The following RNF38 variants were observed in gnomAD, a reference collection of about 807,000 sequenced individuals.
RNF38 encodes the protein ring finger protein 38.
In RNF38, 15 loss-of-function variants were observed where a neutral mutation model predicts 67.2. That is an observed-to-expected ratio of 0.22 (90% CI 0.15 to 0.34). RNF38 has a LOEUF of 0.34. Ranked by LOEUF, RNF38 falls within the 10% of genes least tolerant of loss-of-function variation. The probability of loss-of-function intolerance (pLI) is 1.00; values close to 1 mark genes in which losing one functional copy is unlikely to be tolerated. For missense variants in RNF38, 524 were observed against 639.9 expected (o/e 0.82, Z 1.95); for synonymous variants, 220 against 218.8 (o/e 1.01, Z -0.05).
intron 2 of RNF38, among the ~76,000 whole-genome samples, chr9:36,414,573 C>T (rs1838411576): frequency 6.6e-6 from 1 of 151,584 alleles, no homozygotes; most frequent in South Asian, 2.1e-4. Flanking sequence ...GTAATCCCAG[C>T]TACTCGGGAG....
chr9:36,410,493 A>G (rs1260661202), intron 2 of RNF38, among the ~76,000 whole-genome samples: 2 of 152,090 alleles, frequency 1.3e-5, no homozygotes, highest in South Asian at 4.2e-4. Context: ...TGCCTGGCTA[A>G]TTTTTGTACT....
At chr9:36,405,109 T>C (rs1377631170), upstream of RNF38, among the ~76,000 whole-genome samples, 1 of 151,970 alleles carries the variant, frequency 6.6e-6, no homozygotes, top group Non-Finnish European at 1.5e-5. Context: ...TACTAAAAAC[T>C]ACAAAAAATT....
chr9:36,342,538 A>G, intron 10 of RNF38, 114 bp from the exon 11 acceptor site: 1 of 701,904 alleles, frequency 1.4e-6, no homozygotes, highest in Non-Finnish European at 2.5e-6. Flanking sequence ...TTAAATTTTT[A>G]AACAAAATTA....
chr9:36,366,998 A>C (rs1835018347), intron 4 of RNF38, among the ~76,000 whole-genome samples: 2 of 152,120 alleles, frequency 1.3e-5, no homozygotes, highest in Admixed American at 6.6e-5. Context: ...TGGGCTGCAA[A>C]TTTACTTCTG....
At chr9:36,364,763 A>G (rs1834817516) in intron 4 of RNF38, among the ~76,000 whole-genome samples, 1 of 152,230 alleles carries the variant, frequency 6.6e-6, no homozygotes, top group Non-Finnish European at 1.5e-5. Flanking sequence ...AGGGCATGGT[A>G]AACTAGATTG....
At chr9:36,374,932 G>A (rs1470661036) in intron 3 of RNF38, among the ~76,000 whole-genome samples, 2 of 152,166 alleles carry the variant, frequency 1.3e-5, no homozygotes, top group East Asian at 3.9e-4. Flanking sequence ...TAATTGGGGA[G>A]GAGGGGTTAC....
intron 1 of RNF38, among the ~76,000 whole-genome samples, chr9:36,464,371 A>G (rs1014683264): frequency 6.6e-6 from 1 of 152,040 alleles, no homozygotes; most frequent in Non-Finnish European, 1.5e-5. Flanking sequence ...GTTCGAGACC[A>G]GCCTGGCCAA....
chr9:36,453,674 C>T (rs145723507), intron 1 of RNF38, among the ~76,000 whole-genome samples: 5,909 of 152,034 alleles, frequency 0.039, 356 homozygotes, highest in African/African-American at 0.13. Flanking sequence ...TGAGCCACTG[C>T]GCCCGCCACT....
intron 1 of RNF38, among the ~76,000 whole-genome samples, chr9:36,459,206 C>CA (rs796647730): frequency 0.021 from 1,842 of 86,898 alleles, 32 homozygotes; most frequent in African/African-American, 0.065. Context: ...GACTCTGTCT[C>CA]AAAAAAAAAA....
chr9:36,400,902 C>A (rs1160835053), upstream of RNF38: 1 of 932,690 alleles, frequency 1.1e-6, no homozygotes, highest in South Asian at 4.6e-5. Flanking sequence ...ACGCCCCTCC[C>A]CGCCCCGCCG....
chr9:36,387,390 T>C (rs1033710030), intron 2 of RNF38, among the ~76,000 whole-genome samples: 1 of 152,186 alleles, frequency 6.6e-6, no homozygotes, highest in African/African-American at 2.4e-5. Flanking sequence ...AAATTAATGG[T>C]TGTGCCAGAT....
chr9:36,472,871 C>G (rs989817003), intron 1 of RNF38, among the ~76,000 whole-genome samples: 3 of 151,542 alleles, frequency 2.0e-5, no homozygotes, highest in Non-Finnish European at 4.4e-5. Flanking sequence ...TCTGAGAGAC[C>G]GAGGTGGGTG....
chr9:36,341,735 G>C (rs979675987), intron 11 of RNF38, among the ~76,000 whole-genome samples: 7 of 151,686 alleles, frequency 4.6e-5, no homozygotes, highest in Non-Finnish European at 1.0e-4. Context: ...AGGCTACATT[G>C]AGCCATGACT....
exon 1 of RNF38, chr9:36,487,374 G>C (rs1468309450): frequency 1.0e-6 from 1 of 983,794 alleles, no homozygotes; most frequent in East Asian, 1.1e-4. Context: ...CCGTGGCCCG[G>C]AGGGCTGAGG....
At chr9:36,485,009 A>T (rs1405947504) in intron 1 of RNF38, among the ~76,000 whole-genome samples, 1 of 152,086 alleles carries the variant, frequency 6.6e-6, no homozygotes, top group African/African-American at 2.4e-5. Context: ...TACTAAAAAT[A>T]CAAAAAAAAA....
rs76601753 is a variant in RNF38 at position 36,481,800 on chromosome 9, C to G, written n.241+5508G>C. On this transcript the variant is annotated intron_variant and non_coding_transcript_variant, in intron 1 of 3. Coordinates refer to the RNF38 transcript ENST00000488058. ...TCTTGTCCTTGGTTTGTACTCCCCCCTCCTCTCTCTCCAAGAAAAAATGAA... is the reference window on the plus strand; with the variant it reads ...TCTTGTCCTTGGTTTGTACTCCCCCGTCCTCTCTCTCCAAGAAAAAATGAA... Among the ~76,000 whole-genome samples the G allele has an allele frequency of 1.2e-3, 178 of 152,270 alleles. 2 individuals are homozygous for G. In the East Asian group the frequency reaches 0.028, roughly 24 times the overall value.
intron 6 of RNF38, among the ~76,000 whole-genome samples, chr9:36,355,195 A>C (rs1305904567): frequency 6.6e-6 from 1 of 152,198 alleles, no homozygotes; most frequent in East Asian, 1.9e-4. Flanking sequence ...ATGGTATAGA[A>C]ATCCTTAGTA....
chr9:36,473,739 C>A (rs1040362274), intron 1 of RNF38, among the ~76,000 whole-genome samples: 2 of 152,056 alleles, frequency 1.3e-5, no homozygotes, highest in Non-Finnish European at 2.9e-5. Flanking sequence ...ATAATCCCAG[C>A]ACTTTGGGAG....
At chr9:36,412,664 G>A (rs958211302) in intron 2 of RNF38, among the ~76,000 whole-genome samples, 1 of 152,244 alleles carries the variant, frequency 6.6e-6, no homozygotes. Context: ...CACTGGCTGG[G>A]TGCAGTGGCT....
Sources: gnomAD v4.1 joint callset for allele counts (sites outside exome capture counted in the v4.1 genomes callset) on GRCh38, gnomAD v4.1.1 for gene constraint, MANE v1.5 for transcripts, NCBI Gene and HGNC (gene_info 2026-07-23, HGNC 2026-07-21) for gene names.